Variants in CMSS1 observed in about 807,000 individuals in gnomAD.
CMSS1 encodes the protein cms1 ribosomal small subunit homolog, also known as protein CMSS1.
A neutral mutation model predicts 43.5 loss-of-function variants in CMSS1; 33 were observed. The ratio of observed to expected loss-of-function variants is 0.76; its 90% CI spans 0.57 to 1.01. CMSS1 has a LOEUF of 1.01. Among genes scored for constraint, CMSS1 ranks in the 50% least tolerant of loss-of-function variants. The probability of loss-of-function intolerance (pLI) is 0.00; values close to 1 mark genes in which losing one functional copy is unlikely to be tolerated. For missense variants in CMSS1, 313 were observed against 326.4 expected (o/e 0.96, Z 0.32); for synonymous variants, 115 against 117.2 (o/e 0.98, Z 0.12).
chr3:100,126,755 T>C (rs545511533), intron 1 of CMSS1, among the ~76,000 whole-genome samples: 157 of 152,168 alleles, frequency 1.0e-3, no homozygotes, highest in African/African-American at 3.5e-3. Context: ...TCCCAGCACT[T>C]TGGGAGGCCG....
chr3:99,950,097 C>G (rs1329840238), intron 1 of CMSS1, among the ~76,000 whole-genome samples: 2 of 152,154 alleles, frequency 1.3e-5, no homozygotes, highest in African/African-American at 4.8e-5. Flanking sequence ...TCACTTGGAA[C>G]CATTAGGTTA....
intron 1 of CMSS1, among the ~76,000 whole-genome samples, chr3:99,927,958 TAAG>T (rs1447672491): frequency 2.0e-5 from 3 of 152,176 alleles, no homozygotes; most frequent in African/African-American, 7.2e-5. Flanking sequence ...TATTTTGCCT[TAAG>T]AATTAGATAA....
At chr3:99,822,935 A>C (rs1481156369) in intron 1 of CMSS1, among the ~76,000 whole-genome samples, 1 of 152,202 alleles carries the variant, frequency 6.6e-6, no homozygotes, top group Non-Finnish European at 1.5e-5. Context: ...TGATTTACTT[A>C]ATACTATTTA....
At position 100,178,287 on chromosome 3, in the gene CMSS1, C is replaced by T. The variant is rs1314857160; in HGVS notation, c.757-18C>T. The T allele has an allele frequency of 6.5e-7, 1 of 1,542,574 alleles. No individual in the cohort carries two copies. The highest frequency in any genetic ancestry group is 9.0e-7 in the Non-Finnish European group (1 of 1,117,204). On this transcript the variant is annotated intron_variant, in intron 9 of 9. Coordinates refer to ENST00000421999, the MANE Select transcript of CMSS1 (RefSeq NM_032359.4). ...GGCTTGATCTTAATCTTTTTTTCCCCCCTTTTCTCTCATTTAGATAAGAAA... is the reference window on the plus strand; with the variant it reads ...GGCTTGATCTTAATCTTTTTTTCCCTCCTTTTCTCTCATTTAGATAAGAAA...
At chr3:99,998,547 A>G (rs1709748117) in intron 1 of CMSS1, among the ~76,000 whole-genome samples, 1 of 152,180 alleles carries the variant, frequency 6.6e-6, no homozygotes, top group Admixed American at 6.5e-5. Flanking sequence ...AGAAAAATGC[A>G]GGTATTTTGG....
intron 1 of CMSS1, among the ~76,000 whole-genome samples, chr3:99,897,287 AG>A (rs1267021130): frequency 6.6e-6 from 1 of 152,058 alleles, no homozygotes; most frequent in East Asian, 1.9e-4. Flanking sequence ...CGAACCCAGG[AG>A]GCCTCCGCGG....
intron 1 of CMSS1, among the ~76,000 whole-genome samples, chr3:100,127,209 G>A (rs1157625504): frequency 6.6e-6 from 1 of 152,164 alleles, no homozygotes; most frequent in Non-Finnish European, 1.5e-5. Context: ...AGAGCTCTAT[G>A]TAGCTTTGTT....
At chr3:99,900,818 G>T (rs1196492351) in intron 1 of CMSS1, among the ~76,000 whole-genome samples, 1 of 152,176 alleles carries the variant, frequency 6.6e-6, no homozygotes, top group Non-Finnish European at 1.5e-5. Context: ...ATGTGCCCCG[G>T]TTATCAGGTT....
chr3:99,849,251 G>A, intron 1 of CMSS1: 19 of 1,614,118 alleles, frequency 1.2e-5, no homozygotes, highest in Non-Finnish European at 1.6e-5. Flanking sequence ...TAATCAGGTG[G>A]TTCATTGTCT....
Position 99,849,158 on chromosome 3 carries a change from C to G in CMSS1, c.64+31115C>G, listed in dbSNP as rs1293255727. The G allele has an allele frequency of 4.3e-6, 7 of 1,614,172 alleles. No individual in the cohort carries two copies. Among genetic ancestry groups the G allele is most frequent in the Non-Finnish European group, 5.9e-6 (7 of 1,180,034 alleles). On this transcript the variant is annotated intron_variant, in intron 1 of 9. Coordinates refer to ENST00000421999, the MANE Select transcript of CMSS1 (RefSeq NM_032359.4). ...TTGAAGGACAGCACAGATCCCTCAT[C>G]ATTAGGGTCCTCGTCTTGATTCTCA...
intron 1 of CMSS1, among the ~76,000 whole-genome samples, chr3:99,834,366 C>T (rs1942809175): frequency 6.6e-6 from 1 of 152,096 alleles, no homozygotes; most frequent in Non-Finnish European, 1.5e-5. Context: ...TAAATAGGTG[C>T]CTTTATTCTG....
intron 1 of CMSS1, among the ~76,000 whole-genome samples, chr3:100,050,119 A>T (rs2065345027): frequency 1.3e-5 from 2 of 152,216 alleles, no homozygotes; most frequent in South Asian, 4.1e-4. Flanking sequence ...TATTAAGGGC[A>T]TCATGGGGTA....
rs760897783 is a variant in CMSS1 at position 99,983,830 on chromosome 3, T to TAAA, written c.65-163143_65-163142insAAA. Among the ~76,000 whole-genome samples, 32 of 151,870 alleles carry TAAA rather than the reference T, an allele frequency of 2.1e-4. 1 individual carries two copies. The highest frequency in any genetic ancestry group is 4.2e-4 in the South Asian group (2 of 4,816). ...ATCAGAGGATGAAAGCAAAGGAGAATGGACCATCTGATGAAATAAACTTAT... is the reference window on the plus strand; with the variant it reads ...ATCAGAGGATGAAAGCAAAGGAGAATAAAGGACCATCTGATGAAATAAACTTAT... On this transcript the variant is annotated intron_variant, in intron 1 of 9. Coordinates refer to ENST00000421999, the MANE Select transcript of CMSS1 (RefSeq NM_032359.4).
At chr3:100,115,575 GTCTC>G (rs66793218) in intron 1 of CMSS1, among the ~76,000 whole-genome samples, 2,891 of 97,584 alleles carry the variant, frequency 0.03, 44 homozygotes, top group East Asian at 0.054. Context: ...CTCTCTCTCT[GTCTC>G]TCTCTCTCTC....
At chr3:100,033,270 A>G (rs894788180) in intron 1 of CMSS1, among the ~76,000 whole-genome samples, 3 of 152,162 alleles carry the variant, frequency 2.0e-5, no homozygotes, top group Admixed American at 2.0e-4. Context: ...GGCAGGCTGC[A>G]TCCTTGAACT....
chr3:100,021,296 GT>G (rs1249461657), intron 1 of CMSS1, among the ~76,000 whole-genome samples: 2 of 152,166 alleles, frequency 1.3e-5, no homozygotes, highest in African/African-American at 4.8e-5. Flanking sequence ...CTTCTTTGGA[GT>G]TGTTAAAAAG....
rs546422770 is a variant in CMSS1 at position 100,140,360 on chromosome 3, C to G, written c.65-6613C>G. 2.0e-3 allele frequency among the ~76,000 whole-genome samples: 304 copies of G among 152,230 alleles called. 2 individuals are homozygous for G. The highest frequency in any genetic ancestry group is 6.8e-3 in the African/African-American group (283 of 41,506). On this transcript the variant is annotated intron_variant, in intron 1 of 9. Coordinates refer to ENST00000421999, the MANE Select transcript of CMSS1 (RefSeq NM_032359.4). ...ATCACCCCCCAGAAGTCCCCCACTTCCAGTCTCTGGTCACTACTGATCCTT... is the reference window on the plus strand; with the variant it reads ...ATCACCCCCCAGAAGTCCCCCACTTGCAGTCTCTGGTCACTACTGATCCTT...
chr3:99,970,158 A>G (rs1708771328), intron 1 of CMSS1, among the ~76,000 whole-genome samples: 2 of 152,236 alleles, frequency 1.3e-5, no homozygotes, highest in Admixed American at 6.5e-5. Flanking sequence ...CATTCTCACA[A>G]CTACCTTCTG....
In CMSS1 at chr3:99,989,179, A is replaced by T. The variant is rs146936227; in HGVS notation, c.65-157794A>T. Among the ~76,000 whole-genome samples, 1,095 of 152,220 alleles carry T rather than the reference A, an allele frequency of 7.2e-3. 4 individuals are homozygous for T. Among genetic ancestry groups the T allele is most frequent in the African/African-American group, 1.0e-2 (415 of 41,532 alleles). On this transcript the variant is annotated intron_variant, in intron 1 of 9. Coordinates refer to ENST00000421999, the MANE Select transcript of CMSS1 (RefSeq NM_032359.4). Reference sequence around the variant, plus strand: ...CATGGGTATTATAATTTTCTTGGAGATAAATTAAATGTAAGTTTAGTGAGG... The same window carrying T: ...CATGGGTATTATAATTTTCTTGGAGTTAAATTAAATGTAAGTTTAGTGAGG...
Sources: allele counts gnomAD v4.1 joint callset (sites outside exome capture counted in the v4.1 genomes callset), GRCh38; gene constraint gnomAD v4.1.1; transcripts MANE v1.5; gene names NCBI Gene and HGNC (gene_info 2026-07-23, HGNC 2026-07-21).